DIAPH2: variants seen among roughly 807,000 people sequenced by gnomAD.
DIAPH2 encodes protein diaphanous homolog 2.
In DIAPH2, 35 loss-of-function variants were observed where a neutral mutation model predicts 92.7. That is an observed-to-expected ratio of 0.38 (90% confidence interval 0.29 to 0.50). The LOEUF is 0.50. Ranked by LOEUF, DIAPH2 falls within the 20% of genes least tolerant of loss-of-function variation. DIAPH2 has a pLI of 0.94. For missense variants in DIAPH2, 701 were observed against 819.5 expected, an observed-to-expected ratio of 0.86 and a Z score of 1.77; for synonymous variants, 301 against 280.4, an observed-to-expected ratio of 1.07 and a Z score of -0.73.
chrX:97,462,188 C>A (rs1378173857), intron 26 of DIAPH2, among the ~76,000 whole-genome samples: 3 of 111,816 alleles, frequency 2.7e-5, no homozygotes, highest in Non-Finnish European at 5.6e-5. Context: ...ATATTTCTAT[C>A]TCCTAACATT....
intron 22 of DIAPH2, among the ~76,000 whole-genome samples, chrX:97,201,757 A>T (rs1326520470): frequency 9.0e-6 from 1 of 111,141 alleles, no homozygotes; most frequent in African/African-American, 3.3e-5. Flanking sequence ...GATATTATCC[A>T]GGAGAACGTC....
chrX:97,130,274 G>A (rs1389368775), intron 21 of DIAPH2, among the ~76,000 whole-genome samples: 1 of 111,691 alleles, frequency 9.0e-6, no homozygotes, highest in Admixed American at 9.5e-5. Context: ...TAAAAGAATC[G>A]GAAGCAGGGA....
chrX:97,350,201 T>C (rs1292371595), intron 24 of DIAPH2, among the ~76,000 whole-genome samples: 1 of 110,163 alleles, frequency 9.1e-6, no homozygotes, highest in African/African-American at 3.3e-5. Flanking sequence ...TCCCAGCTAC[T>C]TGGGAGGCTG....
intron 26 of DIAPH2, among the ~76,000 whole-genome samples, chrX:97,449,200 G>C (rs2070338096): frequency 8.9e-6 from 1 of 111,967 alleles, no homozygotes; most frequent in African/African-American, 3.2e-5. Context: ...GTAATAGGGA[G>C]AGATAAAGAA....
At chrX:96,854,626 T>G (rs1471832392) in intron 4 of DIAPH2, among the ~76,000 whole-genome samples, 3 of 78,698 alleles carry the variant, frequency 3.8e-5, no homozygotes, top group Admixed American at 2.9e-4. Context: ...TATATATATA[T>G]ATATATATAT....
rs769259983 is a variant in DIAPH2 at position 96,945,511 on chromosome X, T to C, written c.1445-16T>C. 1.8e-5 allele frequency: 21 copies of C among 1,159,980 alleles called. No homozygotes were observed. The highest frequency in any genetic ancestry group is 2.4e-5 in the Non-Finnish European group (21 of 870,804). ...TCATGCCATAATTTCGAATCACTTT[T>C]GTTTGATCTTAATAGATTCTTGTGT... On this transcript the variant is annotated splice_polypyrimidine_tract_variant and intron_variant, in intron 13 of 26. Transcript: ENST00000324765.
intron 4 of DIAPH2, among the ~76,000 whole-genome samples, chrX:96,776,743 A>T (rs1286824809): frequency 9.0e-6 from 1 of 110,695 alleles, no homozygotes; most frequent in South Asian, 3.7e-4. Flanking sequence ...ACAAAAGCCC[A>T]TATTTCCTTA....
At chrX:97,301,074 T>C (rs960305316) in intron 23 of DIAPH2, among the ~76,000 whole-genome samples, 2 of 88,488 alleles carry the variant, frequency 2.3e-5, no homozygotes, top group Admixed American at 1.4e-4. Flanking sequence ...GAGGCCGAGG[T>C]GGGCGGATTA....
chrX:97,550,914 C>T (rs753257540), intron 26 of DIAPH2, among the ~76,000 whole-genome samples: 1 of 111,581 alleles, frequency 9.0e-6, no homozygotes, highest in African/African-American at 3.3e-5. Context: ...CCTGTTTGAG[C>T]CCCTACTCAA....
In DIAPH2 at chrX:97,240,157, A is replaced by C. The variant is rs1211138699; in HGVS notation, c.2720-7558A>C. On this transcript the variant is annotated intron_variant, in intron 22 of 26. Transcript: ENST00000324765. ...AAATACAGACTATTGCATGGGTTTT[A>C]ATTTCCAGAAATATTATTTAAATTT... Among the ~76,000 whole-genome samples the C allele has an allele frequency of 2.7e-5, 3 of 111,146 alleles. No individual in the cohort carries two copies. The Admixed American group carries it at 2.9e-4, about 11-fold the overall frequency.
chrX:96,691,285 T>A (rs1419839978), intron 1 of DIAPH2, among the ~76,000 whole-genome samples: 5 of 111,432 alleles, frequency 4.5e-5, no homozygotes, highest in Non-Finnish European at 7.5e-5. Context: ...TACATTTTTT[T>A]CCCCTCAAGA....
chrX:96,697,371 TGTG>T (rs2063830711), intron 1 of DIAPH2, among the ~76,000 whole-genome samples: 1 of 109,738 alleles, frequency 9.1e-6, no homozygotes, highest in African/African-American at 3.3e-5. Context: ...TGGGGCCAGA[TGTG>T]GTGGCTCACA....
At chrX:96,869,593 T>C (rs1264849925) in intron 4 of DIAPH2, among the ~76,000 whole-genome samples, 2 of 108,960 alleles carry the variant, frequency 1.8e-5, no homozygotes, top group Non-Finnish European at 3.8e-5. Context: ...CTACTACTAC[T>C]AATACTAGTC....
intron 4 of DIAPH2, among the ~76,000 whole-genome samples, chrX:96,773,926 A>G (rs180992481): frequency 2.7e-5 from 3 of 111,315 alleles, no homozygotes; most frequent in Non-Finnish European, 5.7e-5. Flanking sequence ...AAAACAACAA[A>G]TTTCTGTTGT....
At chrX:96,967,304 G>A (rs1032090539) in intron 17 of DIAPH2, among the ~76,000 whole-genome samples, 1 of 111,714 alleles carries the variant, frequency 9.0e-6, no homozygotes, top group Non-Finnish European at 1.9e-5. Flanking sequence ...TTAATTTTCT[G>A]TTCCTGCATT....
chrX:97,453,799 G>A (rs1200940145), intron 26 of DIAPH2, among the ~76,000 whole-genome samples: 1 of 111,927 alleles, frequency 8.9e-6, no homozygotes, highest in East Asian at 2.8e-4. Flanking sequence ...AGATAACACA[G>A]ATTATTGCTG....
At chrX:97,088,690 T>C (rs749066101) in intron 19 of DIAPH2, among the ~76,000 whole-genome samples, 1 of 112,140 alleles carries the variant, frequency 8.9e-6, no homozygotes, top group Non-Finnish European at 1.9e-5. Context: ...CAAAGATTTC[T>C]GAGAATTATA....
At chrX:96,840,811 C>T (rs1307300838) in intron 4 of DIAPH2, among the ~76,000 whole-genome samples, 7 of 108,922 alleles carry the variant, frequency 6.4e-5, no homozygotes, top group East Asian at 2.9e-4. Flanking sequence ...GACGGGGTTT[C>T]GCTGTGTTAG....
At chrX:97,492,937 A>G (rs1299980177) in intron 26 of DIAPH2, among the ~76,000 whole-genome samples, 3 of 112,576 alleles carry the variant, frequency 2.7e-5, no homozygotes, top group Non-Finnish European at 5.6e-5. Flanking sequence ...TTCCTTGCCC[A>G]GATTTGAAAT....
Sources: gnomAD v4.1 joint callset for allele counts (sites outside exome capture counted in the v4.1 genomes callset) on GRCh38, gnomAD v4.1.1 for gene constraint, MANE v1.5 for transcripts, NCBI Gene and HGNC (gene_info 2026-07-23, HGNC 2026-07-21) for gene names.